ANO1: variants seen among roughly 807,000 people sequenced by gnomAD.
ANO1 encodes anoctamin-1.
Under a neutral mutation model 124.0 loss-of-function variants are expected in ANO1, and 59 were observed. That is an observed-to-expected ratio of 0.48 (90% CI 0.39 to 0.59). The LOEUF is 0.59. Among genes scored for constraint, ANO1 ranks in the 20% least tolerant of loss-of-function variants. The pLI, the probability that ANO1 is intolerant of heterozygous loss-of-function variation, is 0.00. For missense variants in ANO1, 1,059 were observed against 1,328.0 expected (o/e 0.80, Z 3.15); for synonymous variants, 529 against 532.0 (o/e 0.99, Z 0.08).
At chr11:70,046,387 A>AC (rs1857260193) in intron 1 of ANO1, among the ~76,000 whole-genome samples, 1 of 152,072 alleles carries the variant, frequency 6.6e-6, no homozygotes, top group Admixed American at 6.6e-5. Context: ...CAGCTCTGAG[A>AC]CCCCCGTATT....
upstream of ANO1, among the ~76,000 whole-genome samples, chr11:70,073,579 T>G (rs2044014958): frequency 6.6e-6 from 1 of 151,414 alleles, no homozygotes; most frequent in African/African-American, 2.4e-5. Context: ...AAACTGAGGA[T>G]GGTGGGCAGA....
chr11:70,142,021 A>C (rs1234154750), intron 11 of ANO1, among the ~76,000 whole-genome samples: 1 of 152,130 alleles, frequency 6.6e-6, no homozygotes, highest in Non-Finnish European at 1.5e-5. Flanking sequence ...GCTTTCCTGG[A>C]GCTGACACGT....
chr11:70,023,868 T>C (rs1856846430), intron 1 of ANO1, among the ~76,000 whole-genome samples: 1 of 152,228 alleles, frequency 6.6e-6, no homozygotes, highest in Non-Finnish European at 1.5e-5. Context: ...CTGTAGTTGC[T>C]CTGTGCTTTA....
intron 24 of ANO1, 67 bp from the exon 25 acceptor site, chr11:70,185,523 C>A: frequency 6.7e-7 from 1 of 1,481,900 alleles, no homozygotes; most frequent in Non-Finnish European, 9.3e-7. Context: ...CCTCGAGCTG[C>A]CTGACTCCAG....
chr11:70,091,382 C>G (rs1359408999), intron 2 of ANO1, among the ~76,000 whole-genome samples: 3 of 152,166 alleles, frequency 2.0e-5, no homozygotes, highest in Admixed American at 1.3e-4. Context: ...ATGACACCCA[C>G]CCCCAAAATT....
chr11:69,972,186 CAAAAA>C, the ANO1 span, among the ~76,000 whole-genome samples: 1 of 86,558 alleles, frequency 1.2e-5, no homozygotes, highest in Admixed American at 1.3e-4. Flanking sequence ...GACTCCGTCT[CAAAAA>C]AAAAAAAAAA....
At chr11:70,107,317 C>A (rs1375110915) in intron 5 of ANO1, among the ~76,000 whole-genome samples, 1 of 152,010 alleles carries the variant, frequency 6.6e-6, no homozygotes, top group Non-Finnish European at 1.5e-5. Context: ...AGGGTGGTGG[C>A]CTCAAGGCCT....
In ANO1 at chr11:70,049,130, A is replaced by G. The variant is rs572346314; in HGVS notation, c.59-29412A>G. On this transcript the variant is annotated intron_variant, in intron 1 of 27. Coordinates refer to the ANO1 transcript ENST00000531349. ...TCTCCTAGGTGGAAATCTAAGATGC[A>G]TAAAGATGCCAAAAGCCCACCTCAG... 2.6e-5 allele frequency among the ~76,000 whole-genome samples: 4 copies of G among 152,314 alleles called. 1 individual carries two copies. The highest frequency in any genetic ancestry group is 6.5e-5 in the Admixed American group (1 of 15,298).
rs764216987 is a variant in ANO1, at chr11:70,104,037, A to C, written c.579A>C (p.Lys193Asn). Residue 193 changes from lysine to asparagine, a missense_variant, in exon 4 of 26, where the codon AAA becomes AAC. By Grantham distance (94) the Lys-to-Asn change is moderately conservative. This residue lies in a region of ANO1 where 809 missense variants were observed against 1,094.9 expected (regional missense o/e 0.74). Coordinates refer to ENST00000355303, the MANE Select transcript of ANO1 (RefSeq NM_018043.7). ...HINETRGLLK[K>N]INSVLQKITD... ...ATGAGACCCGTGGCCTCCTGAAAAAAATCAACTCTGTGCTCCAGAAAATCA... is the reference window on the plus strand; with the variant it reads ...ATGAGACCCGTGGCCTCCTGAAAAACATCAACTCTGTGCTCCAGAAAATCA... 1 of 1,612,534 alleles carries C rather than the reference A, an allele frequency of 6.2e-7. No individual in the cohort carries two copies. The highest frequency in any genetic ancestry group is 8.5e-7 in the Non-Finnish European group (1 of 1,179,396).
intron 24 of ANO1, among the ~76,000 whole-genome samples, chr11:70,184,511 A>G (rs2135853684): frequency 6.6e-6 from 1 of 152,200 alleles, no homozygotes; most frequent in African/African-American, 2.4e-5. Flanking sequence ...AAAGCTGGTA[A>G]TGAGAACCAG....
At chr11:70,135,713 G>T (rs2135544710) in intron 11 of ANO1, among the ~76,000 whole-genome samples, 1 of 152,344 alleles carries the variant, frequency 6.6e-6, no homozygotes, top group Non-Finnish European at 1.5e-5. Context: ...GGCATGCCCA[G>T]TAAGAGCACA....
chr11:70,142,695 C>T (rs928709940), intron 11 of ANO1, among the ~76,000 whole-genome samples: 9 of 152,224 alleles, frequency 5.9e-5, no homozygotes, highest in Non-Finnish European at 1.0e-4. Context: ...CCAAATACCA[C>T]GGACAGGTGC....
At chr11:70,113,247 C>T (rs1006719) in intron 7 of ANO1, among the ~76,000 whole-genome samples, 21,260 of 152,112 alleles carry the variant, frequency 0.14, 1,611 homozygotes, top group Middle Eastern at 0.18. Context: ...GCAAAGACAC[C>T]ACCGTCTGAC....
intron 1 of ANO1, among the ~76,000 whole-genome samples, chr11:70,037,903 A>G (rs904424616): frequency 6.6e-6 from 1 of 152,280 alleles, no homozygotes; most frequent in East Asian, 1.9e-4. Flanking sequence ...ATCTTATTCC[A>G]TGGCAGGGTC....
chr11:70,143,097 G>T (rs980550165), intron 11 of ANO1, among the ~76,000 whole-genome samples: 1 of 152,178 alleles, frequency 6.6e-6, no homozygotes, highest in Non-Finnish European at 1.5e-5. Context: ...CTGCTCTGTG[G>T]TCATGTGTGA....
chr11:70,017,094 G>A (rs1856716084), intron 1 of ANO1, among the ~76,000 whole-genome samples: 3 of 152,218 alleles, frequency 2.0e-5, no homozygotes, highest in Admixed American at 2.0e-4. Flanking sequence ...ACAGAGCAGG[G>A]CTCAGCCAAA....
chr11:70,026,883 C>A (rs112959012), intron 1 of ANO1, among the ~76,000 whole-genome samples: 18 of 152,316 alleles, frequency 1.2e-4, no homozygotes, highest in African/African-American at 4.3e-4. Context: ...CACTGGCCAC[C>A]TTAACACCAG....
At chr11:69,985,192 C>G (rs1212359570), upstream of ANO1, among the ~76,000 whole-genome samples, 2 of 152,244 alleles carry the variant, frequency 1.3e-5, no homozygotes, top group African/African-American at 4.8e-5. Flanking sequence ...CCTGCCTCGT[C>G]CCTGGATGCA....
intron 1 of ANO1, among the ~76,000 whole-genome samples, chr11:70,087,304 G>C (rs867614887): frequency 1.2e-4 from 18 of 152,170 alleles, no homozygotes; most frequent in African/African-American, 4.1e-4. Flanking sequence ...TTAGTTATTT[G>C]TCCATGTACA....
Sources: allele counts gnomAD v4.1 joint callset (sites outside exome capture counted in the v4.1 genomes callset), GRCh38; gene constraint gnomAD v4.1.1; regional missense constraint gnomAD v4.1.1; transcripts MANE v1.5; gene names NCBI Gene and HGNC (gene_info 2026-07-23, HGNC 2026-07-21).